IRS2: variants seen among roughly 807,000 people sequenced by gnomAD.
IRS2 encodes the protein insulin receptor substrate 2.
In IRS2, 28 loss-of-function variants were observed where a neutral mutation model predicts 70.9. The ratio of observed to expected loss-of-function variants is 0.39; its 90% CI spans 0.29 to 0.54. IRS2 has a LOEUF of 0.54. Ranked by LOEUF, IRS2 falls within the 20% of genes least tolerant of loss-of-function variation. The pLI, the probability that IRS2 is intolerant of heterozygous loss-of-function variation, is 0.59. For synonymous variants in IRS2, 1,217 were observed against 981.9 expected, an observed-to-expected ratio of 1.24 and a Z score of -4.48; for missense variants, 2,081 against 2,024.1, an observed-to-expected ratio of 1.03 and a Z score of -0.54.
chr13:109,761,047 T>C (rs1419006820), intron 1 of IRS2, among the ~76,000 whole-genome samples: 1 of 152,216 alleles, frequency 6.6e-6, no homozygotes, highest in Non-Finnish European at 1.5e-5. Context: ...CTCCTGACAA[T>C]TTGGGTTTGG....
At position 109,782,273 on chromosome 13, in the gene IRS2, C is replaced by T. The variant is rs928015412; in HGVS notation, c.3781G>A (p.Glu1261Lys). ...LNYIAIDVRE[E>K]PGLPPQPQPP... ...TGCGGCTGGGGTGGCAGCCCGGGCT[C>T]CTCCCTCACGTCGATGGCGATGTAG... The change falls in exon 1 of 2, where the codon GAG becomes AAG. Residue 1261 changes from glutamate to lysine, a missense_variant. By Grantham distance (56) the Glu-to-Lys change is moderately conservative. Coordinates refer to ENST00000375856, the MANE Select transcript of IRS2 (RefSeq NM_003749.3). The T allele has an allele frequency of 6.2e-7, 1 of 1,610,156 alleles. No individual in the cohort carries two copies. The highest frequency in any genetic ancestry group is 8.5e-7 in the Non-Finnish European group (1 of 1,178,958).
Position 109,782,583 on chromosome 13 carries a change from C to T in IRS2, c.3471G>A (p.Thr1157=), listed in dbSNP as rs1313993949. Residue 1157 remains threonine, a synonymous_variant, in exon 1 of 2, where the codon ACG becomes ACA. Transcript: ENST00000375856. ...CGAAGGACGGGGACACGGGGGTGAC[C>T]GTCGTGGTGGAGGAGAAGGTCTCGG... The part of the protein sequence containing the change: ...HSSETFSSTT[T]VTPVSPSFAH... The T allele has an allele frequency of 6.4e-7, 1 of 1,574,072 alleles. No individual in the cohort carries two copies. The highest frequency in any genetic ancestry group is 8.6e-7 in the Non-Finnish European group (1 of 1,160,656).
rs1877832096 is a variant in IRS2 at position 109,784,119 on chromosome 13, G to A, written c.1935C>T (p.Ser645=). 4 of 1,594,716 alleles carry A rather than the reference G, an allele frequency of 2.5e-6. No homozygotes were observed. The highest frequency in any genetic ancestry group is 3.4e-6 in the Non-Finnish European group (4 of 1,177,490). ...TGTAGCCGTCGTCTGCCCCCAGGTT[G>A]CTGCTGGAGCTCCTGTGGGAGCCGA... is the stretch of plus-strand genomic sequence containing the variant. ...IEIGSHRSSS[S]NLGADDGYMP... The change falls in exon 1 of 2, where the codon AGC becomes AGT. Residue 645 remains serine (S), a synonymous_variant. Transcript: ENST00000375856. This position sits in a 1 kb window ranked among gnomAD's most constrained non-coding sequence, Gnocchi z 5.2.
chr13:109,776,491 C>T (rs1178780643), intron 1 of IRS2, among the ~76,000 whole-genome samples: 1 of 152,142 alleles, frequency 6.6e-6, no homozygotes, highest in African/African-American at 2.4e-5. Context: ...AACATGTAAC[C>T]CATAAGTTTT....
At chr13:109,772,637 G>A (rs1346523938) in intron 1 of IRS2, among the ~76,000 whole-genome samples, 1 of 151,758 alleles carries the variant, frequency 6.6e-6, no homozygotes, top group Admixed American at 6.6e-5. Flanking sequence ...CTTGCACAAA[G>A]CAAACACTGC....
chr13:109,782,797 G>A lies in IRS2; in HGVS notation c.3257C>T (p.Pro1086Leu), dbSNP rs2138930727. The change falls in exon 1 of 2, where the codon CCT becomes CTT. Residue 1086 changes from proline to leucine, a missense_variant. This residue lies in a region of IRS2 where 1,615 missense variants were observed against 1,459.5 expected (regional missense o/e 1.11). Coordinates refer to ENST00000375856, the MANE Select transcript of IRS2 (RefSeq NM_003749.3). ...AFGVAATPPQ[P>L]IAAPPKPEAA... ...TTCTGGCTTCGGGGGGGCCGCGATA[G>A]GTTGCGGCGGGGTGGCGGCCACACC... is the stretch of plus-strand genomic sequence containing the variant. 6.2e-7 allele frequency: 1 copy of A among 1,602,088 alleles called. No homozygotes were observed. Among genetic ancestry groups the A allele is most frequent in the Non-Finnish European group, 8.5e-7 (1 of 1,175,548 alleles).
intron 1 of IRS2, among the ~76,000 whole-genome samples, chr13:109,776,291 T>G (rs1877576260): frequency 6.6e-6 from 1 of 152,246 alleles, no homozygotes; most frequent in Admixed American, 6.5e-5. Context: ...GAATATTTTA[T>G]AAACCTTGTG....
rs2138932580 is a variant in IRS2, at chr13:109,783,421, T to C, written c.2633A>G (p.Glu878Gly). The change falls in exon 1 of 2, where the codon GAG (glutamate) becomes GGG (glycine). Residue 878 changes from glutamate (E) to glycine (G), a missense_variant. By Grantham distance (98) the Glu-to-Gly change is moderately conservative. Coordinates refer to ENST00000375856, the MANE Select transcript of IRS2 (RefSeq NM_003749.3). ...SPVRPSGGRP[E>G]GFLGQRGRAV... is the part of the protein sequence containing the mutation. ...CCGGCCGCGCTGGCCCAAGAAGCCCTCCGGGCGGCCGCCGCTAGGCCGCAC... is the reference window on the plus strand; with the variant it reads ...CCGGCCGCGCTGGCCCAAGAAGCCCCCCGGGCGGCCGCCGCTAGGCCGCAC... The C allele has an allele frequency of 6.7e-7, 1 of 1,490,994 alleles. No individual in the cohort carries two copies. The highest frequency in any genetic ancestry group is 8.9e-7 in the Non-Finnish European group (1 of 1,129,330). The allele number at this position is 1,490,994 out of a possible 1,614,324, so 92.4% of individuals were successfully genotyped here. A position where few individuals can be genotyped will look rare whatever the true frequency, so the allele number is the denominator to read the frequency against.
At chr13:109,779,235 C>T (rs968408282) in intron 1 of IRS2, among the ~76,000 whole-genome samples, 2 of 152,184 alleles carry the variant, frequency 1.3e-5, no homozygotes, top group Non-Finnish European at 2.9e-5. Flanking sequence ...CCCACATAAC[C>T]CCAAAATTAT....
At position 109,785,318 on chromosome 13, in the gene IRS2, G is replaced by T. The variant is rs1263642658; in HGVS notation, c.736C>A (p.Arg246Ser). 1 of 1,609,704 alleles carries T rather than the reference G, an allele frequency of 6.2e-7. No homozygotes were observed. The highest frequency in any genetic ancestry group is 1.3e-5 in the African/African-American group (1 of 74,812). Residue 246 changes from arginine to serine, a missense_variant, in exon 1 of 2, where the codon CGC (arginine) becomes AGC (serine). Physicochemically the swap from Arg to Ser is moderately radical, Grantham distance 110. Transcript: ENST00000375856. This position sits in a 1 kb window ranked among gnomAD's most constrained non-coding sequence, Gnocchi z 9.3. ...AAGCTGTCCGAGTGGCCGCAGCGGCGGATGTTCATGAGCTGCAGCGTCACC... is the reference window on the plus strand; with the variant it reads ...AAGCTGTCCGAGTGGCCGCAGCGGCTGATGTTCATGAGCTGCAGCGTCACC... Reference protein sequence around the residue: ...PSVTLQLMNIRRCGHSDSFFF... With the variant: ...PSVTLQLMNISRCGHSDSFFF...
Position 109,784,843 on chromosome 13 carries a change from G to T in IRS2, c.1211C>A (p.Thr404Asn). Residue 404 changes from threonine to asparagine, a missense_variant, in exon 1 of 2, where the codon ACC becomes AAC. Physicochemically the swap from Thr to Asn is moderately conservative, Grantham distance 65. Around this residue, in one of 4 missense-constraint regions of IRS2, gnomAD observed 1,615 missense variants for 1,459.5 expected, o/e 1.11. Transcript: ENST00000375856. The surrounding 1 kb of genome is among the most constrained non-coding windows in gnomAD (Gnocchi z 5.2). ...GCGGCCGCCGCAGCCGCCGCTCAGGGTGTGCGAGCGGCTCAGGGGCGCGCG... is the reference window on the plus strand; with the variant it reads ...GCGGCCGCCGCAGCCGCCGCTCAGGTTGTGCGAGCGGCTCAGGGGCGCGCG... ...PVRAPLSRSH[T>N]LSGGCGGRGS... The T allele has an allele frequency of 8.1e-7, 1 of 1,237,330 alleles. No homozygotes were observed. Among genetic ancestry groups the T allele is most frequent in the Non-Finnish European group, 1.0e-6 (1 of 979,486 alleles). The allele number at this position is 1,237,330 out of a possible 1,614,324, so 76.6% of individuals were successfully genotyped here.
chr13:109,756,202 A>G lies in IRS2; in HGVS notation c.*102T>C. Reference sequence around the variant, plus strand: ...CAAACACAGTCATTGCTCAGATCCAAAAGAAAACTGCAAGCAGCTTCGGGC... The same window carrying G: ...CAAACACAGTCATTGCTCAGATCCAGAAGAAAACTGCAAGCAGCTTCGGGC... On this transcript the variant is annotated 3_prime_UTR_variant, in exon 2 of 2. Transcript: ENST00000375856. 1 of 1,066,592 alleles carries G rather than the reference A, an allele frequency of 9.4e-7. No individual in the cohort carries two copies. Among genetic ancestry groups the G allele is most frequent in the Non-Finnish European group, 1.5e-6 (1 of 684,130 alleles). The allele number at this position is 1,066,592 out of a possible 1,614,324, so 66.1% of individuals were successfully genotyped here.
chr13:109,762,501 C>G (rs1333141216), intron 1 of IRS2, among the ~76,000 whole-genome samples: 1 of 152,192 alleles, frequency 6.6e-6, no homozygotes. Flanking sequence ...TGGGACAGGG[C>G]AGGAGCAGAG....
chr13:109,769,484 C>G (rs147364527), intron 1 of IRS2, among the ~76,000 whole-genome samples: 189 of 152,324 alleles, frequency 1.2e-3, no homozygotes, highest in African/African-American at 4.5e-3. Flanking sequence ...GCCCCAGAGC[C>G]TTTGCACTGC....
chr13:109,778,969 A>G (rs1877638098), intron 1 of IRS2, among the ~76,000 whole-genome samples: 1 of 152,198 alleles, frequency 6.6e-6, no homozygotes, highest in Non-Finnish European at 1.5e-5. Context: ...CAACAACGAA[A>G]CCTAACAAAT....
At position 109,785,667 on chromosome 13, in the gene IRS2, C is replaced by G; in HGVS notation, c.387G>C (p.Glu129Asp). Residue 129 changes from glutamate (E) to aspartate (D), a missense_variant, in exon 1 of 2, where the codon GAG becomes GAC. By Grantham distance (45) the Glu-to-Asp change is conservative. This residue lies in a region of IRS2 where 320 missense variants were observed against 352.9 expected (regional missense o/e 0.91). Coordinates refer to ENST00000375856, the MANE Select transcript of IRS2 (RefSeq NM_003749.3). The surrounding 1 kb of genome is among the most constrained non-coding windows in gnomAD (Gnocchi z 9.3). The stretch of plus-strand genomic sequence containing the variant: ...CGCGGTACCAGCCCTCCTGCTCCTG[C>G]TCGTTCTCGGCGGCCACGGCGAAGT... The part of the protein sequence containing the change: ...DEYFAVAAEN[E>D]QEQEGWYRAL... 6.3e-7 allele frequency: 1 copy of G among 1,596,164 alleles called. No individual in the cohort carries two copies. The highest frequency in any genetic ancestry group is 8.5e-7 in the Non-Finnish European group (1 of 1,175,258).
intron 1 of IRS2, among the ~76,000 whole-genome samples, chr13:109,764,709 G>T (rs1363918693): frequency 6.6e-6 from 1 of 152,152 alleles, no homozygotes; most frequent in African/African-American, 2.4e-5. Context: ...GAGCCACAGT[G>T]GTGTCTCTTA....
In IRS2 at chr13:109,755,508, T is replaced by G. The variant is rs35522905; in HGVS notation, c.*796A>C. 3.7e-4 allele frequency: 79 copies of G among 211,462 alleles called. No individual in the cohort carries two copies. The highest frequency in any genetic ancestry group is 1.8e-3 in the African/African-American group (78 of 44,216). 13.1% of individuals were successfully genotyped at this position (211,462 alleles called of 1,614,324 possible). A position where few individuals can be genotyped will look rare whatever the true frequency, so the allele number is the denominator to read the frequency against. On this transcript the variant is annotated 3_prime_UTR_variant, in exon 2 of 2. Transcript: ENST00000375856. ...AGTCTGTTAAAGGTAAAAAGAGATA[T>G]TCATCCCCTTCCCAAAGCCCTTCCC...
intron 1 of IRS2, among the ~76,000 whole-genome samples, chr13:109,781,514 C>T (rs1414781441): frequency 3.3e-5 from 5 of 152,226 alleles, no homozygotes; most frequent in East Asian, 1.9e-4. Context: ...TCGCTATTAG[C>T]AGCCATCAAA....
Sources: gnomAD v4.1 joint callset for allele counts (sites outside exome capture counted in the v4.1 genomes callset) on GRCh38, gnomAD v4.1.1 for gene constraint, gnomAD v4.1.1 regional missense constraint, Gnocchi (gnomAD v3.1) non-coding constraint, MANE v1.5 for transcripts, NCBI Gene and HGNC (gene_info 2026-07-23, HGNC 2026-07-21) for gene names.